Variants in DMWD observed in about 807,000 individuals in gnomAD.
DMWD encodes the protein DM1 locus, WD repeat containing.
A neutral mutation model predicts 45.8 loss-of-function variants in DMWD; 19 were observed. The observed-to-expected ratio is 0.41, with a 90% CI of 0.29 to 0.61. The LOEUF is 0.61. Ranked by LOEUF, DMWD falls within the 20% of genes least tolerant of loss-of-function variation. The pLI, the probability that DMWD is intolerant of heterozygous loss-of-function variation, is 0.25. For missense variants in DMWD, 802 were observed against 965.2 expected (o/e 0.83, Z 2.24); for synonymous variants, 515 against 440.5 (o/e 1.17, Z -2.12).
In DMWD at chr19:45,792,785, C is replaced by A; in HGVS notation, c.-29G>T. On this transcript the variant is annotated 5_prime_UTR_variant, in exon 1 of 5. Transcript: ENST00000270223. ...GGGCGCCCCCCGGGCCCCGCCACTG[C>A]CGGACTGCCGCCCGCAGCCGGGCCC... 2 of 1,107,246 alleles carry A rather than the reference C, an allele frequency of 1.8e-6. No homozygotes were observed. 68.6% of individuals were successfully genotyped at this position (1,107,246 alleles called of 1,614,324 possible). A position where few individuals can be genotyped will look rare whatever the true frequency, so the allele number is the denominator to read the frequency against.
Position 45,783,554 on chromosome 19 carries a change from T to C in DMWD, c.*689A>G, listed in dbSNP as rs1019313190. ...CCGCTGGTGTGGGTCACCAGTTGTG[T>C]GACTCGCAGGTCCGTTCCCTCCCTG... On this transcript the variant is annotated 3_prime_UTR_variant, in exon 5 of 5. Coordinates refer to ENST00000270223, the MANE Select transcript of DMWD (RefSeq NM_004943.2). 1.5e-5 allele frequency: 6 copies of C among 398,372 alleles called. No individual in the cohort carries two copies. The highest frequency in any genetic ancestry group is 1.0e-4 in the African/African-American group (5 of 48,542). 24.7% of individuals were successfully genotyped at this position (398,372 alleles called of 1,614,324 possible). A position where few individuals can be genotyped will look rare whatever the true frequency, so the allele number is the denominator to read the frequency against.
Position 45,784,255 on chromosome 19 carries a change from G to A in DMWD, c.2013C>T (p.Gly671=), listed in dbSNP as rs372041451. 8 of 1,532,682 alleles carry A rather than the reference G, an allele frequency of 5.2e-6. No homozygotes were observed. Among genetic ancestry groups the A allele is most frequent in the African/African-American group, 1.4e-5 (1 of 72,112 alleles). The allele number at this position is 1,532,682 out of a possible 1,614,324, so 94.9% of individuals were successfully genotyped here. A position where few individuals can be genotyped will look rare whatever the true frequency, so the allele number is the denominator to read the frequency against. The change falls in exon 5 of 5, where the codon GGC becomes GGT. Residue 671 remains glycine (G), a synonymous_variant. Transcript: ENST00000270223. The part of the protein sequence containing the change: ...ISSQPGNSPS[G]TVV Reference sequence around the variant, plus strand: ...GATATCCATGGCTTCACACCACTGTGCCACTCGGGGAGTTGCCTGGTTGGG... The same window carrying A: ...GATATCCATGGCTTCACACCACTGTACCACTCGGGGAGTTGCCTGGTTGGG...
rs1439942042 is a variant in DMWD at position 45,785,712 on chromosome 19, G to A, written c.1784C>T (p.Pro595Leu). The change falls in exon 3 of 5, where the codon CCC (proline) becomes CTC (leucine). Residue 595 changes from proline to leucine, a missense_variant. Physicochemically the swap from Pro to Leu is moderately conservative, Grantham distance 98. This residue lies in a region of DMWD where 303 missense variants were observed against 332.9 expected (regional missense o/e 0.91). Coordinates refer to ENST00000270223, the MANE Select transcript of DMWD (RefSeq NM_004943.2). ...CTGGGCGATCTTCTTGCACACAAGG[G>A]GCTCCAGCAGGGGCACCTCGTGGAT... Reference protein sequence around the residue: ...PRIHEVPLLEPLVCKKIAQER... With the variant: ...PRIHEVPLLELLVCKKIAQER... 1.2e-6 allele frequency: 2 copies of A among 1,605,620 alleles called. No individual in the cohort carries two copies. Among genetic ancestry groups the A allele is most frequent in the Non-Finnish European group, 1.7e-6 (2 of 1,174,976 alleles).
chr19:45,783,783 A>C lies in DMWD; in HGVS notation c.*460T>G. On this transcript the variant is annotated 3_prime_UTR_variant, in exon 5 of 5. Transcript: ENST00000270223. ...AAGAGGTCCTGCGGGACAGGGAGGA[A>C]CCTGAGGGGCTTCCATAATTTAACA... 3 of 460,990 alleles carry C rather than the reference A, an allele frequency of 6.5e-6. No individual in the cohort carries two copies. Among genetic ancestry groups the C allele is most frequent in the Non-Finnish European group, 3.8e-6 (1 of 264,968 alleles). The allele number at this position is 460,990 out of a possible 1,614,324, so 28.6% of individuals were successfully genotyped here. A position where few individuals can be genotyped will look rare whatever the true frequency, so the allele number is the denominator to read the frequency against.
intron 4 of DMWD, 122 bp from the exon 5 acceptor site, chr19:45,784,412 G>C (rs1970238417): frequency 7.9e-7 from 1 of 1,268,612 alleles, no homozygotes; most frequent in Admixed American, 2.7e-5. Flanking sequence ...TTGCCCTTGG[G>C]TCCGCCCTAG....
chr19:45,784,547 G>A (rs1463628370), intron 4 of DMWD, 94 bp downstream of exon 4: 2 of 1,598,496 alleles, frequency 1.3e-6, no homozygotes. Context: ...CATGGGGTAA[G>A]GGTAAGGGTG....
At position 45,786,915 on chromosome 19, in the gene DMWD, CCAGG is replaced by C. The variant is rs776465815; in HGVS notation, c.625-48_625-45del. 1.8e-5 allele frequency: 29 copies of C among 1,578,522 alleles called. No homozygotes were observed. In the East Asian group the frequency reaches 6.5e-4, roughly 36 times the overall value. ...TGGGGTTGGGAGAAGGCAGTAAAAC[CCAGG>C]CAGAACTTCTCCCCGACCCAAAGTC... On this transcript the variant is annotated intron_variant, in intron 2 of 4. Coordinates refer to ENST00000270223, the MANE Select transcript of DMWD (RefSeq NM_004943.2).
At position 45,784,696 on chromosome 19, in the gene DMWD, T is replaced by C. The variant is rs1190122633; in HGVS notation, c.1922A>G (p.Glu641Gly). The C allele has an allele frequency of 3.3e-5, 53 of 1,613,660 alleles. No individual in the cohort carries two copies. The highest frequency in any genetic ancestry group is 4.0e-5 in the Non-Finnish European group (47 of 1,179,776). Residue 641 changes from glutamate (E) to glycine (G), a missense_variant, in exon 4 of 5, where the codon GAG becomes GGG. By Grantham distance (98) the Glu-to-Gly change is moderately conservative. Coordinates refer to ENST00000270223, the MANE Select transcript of DMWD (RefSeq NM_004943.2). ...PGKAFTDEET[E>G]AQTGEGSWPR... is the part of the protein sequence containing the mutation. Reference sequence around the variant, plus strand: ...CCAACTTCCTTCCCCTGTCTGGGCCTCGGTCTCCTCGTCTGTGAACTACGG... The same window carrying C: ...CCAACTTCCTTCCCCTGTCTGGGCCCCGGTCTCCTCGTCTGTGAACTACGG...
chr19:45,791,307 C>T (rs938194216), intron 1 of DMWD, among the ~76,000 whole-genome samples: 3 of 152,042 alleles, frequency 2.0e-5, no homozygotes, highest in African/African-American at 4.8e-5. Context: ...TCCCCCTTGA[C>T]CACAGTGCCT....
chr19:45,785,741 C>G lies in DMWD; in HGVS notation c.1755G>C (p.Pro585=). 1.2e-6 allele frequency: 2 copies of G among 1,607,576 alleles called. No individual in the cohort carries two copies. The highest frequency in any genetic ancestry group is 3.4e-5 in the Admixed American group (2 of 59,682). ...PAKVLGTALC[P]RIHEVPLLEP... ...CCAGCAGGGGCACCTCGTGGATGCG[C>G]GGGCACAGCGCAGTGCCCAGCACCT... Residue 585 remains proline (P), a synonymous_variant, in exon 3 of 5, where the codon CCG becomes CCC. Coordinates refer to ENST00000270223, the MANE Select transcript of DMWD (RefSeq NM_004943.2).
At chr19:45,792,036 A>G (rs574269134) in intron 1 of DMWD, among the ~76,000 whole-genome samples, 1 of 152,138 alleles carries the variant, frequency 6.6e-6, no homozygotes, top group East Asian at 1.9e-4. Context: ...ACCTCATCTC[A>G]GATACCCCAT....
Position 45,784,171 on chromosome 19 carries a change from GT to G in DMWD, c.*71del. The G allele has an allele frequency of 3.0e-6, 4 of 1,345,386 alleles. No individual in the cohort carries two copies. Among genetic ancestry groups the G allele is most frequent in the Non-Finnish European group, 4.2e-6 (4 of 945,452 alleles). 83.3% of individuals were successfully genotyped at this position (1,345,386 alleles called of 1,614,324 possible). A position where few individuals can be genotyped will look rare whatever the true frequency, so the allele number is the denominator to read the frequency against. The stretch of plus-strand genomic sequence containing the variant: ...GTTAGTCTTGTTAATACGTTGATCT[GT>G]GAGGTCAGCAGGGAGGGTTATGGCT... On this transcript the variant is annotated 3_prime_UTR_variant, in exon 5 of 5. Coordinates refer to ENST00000270223, the MANE Select transcript of DMWD (RefSeq NM_004943.2).
chr19:45,788,924 A>C (rs572725817), intron 2 of DMWD, among the ~76,000 whole-genome samples: 1 of 146,606 alleles, frequency 6.8e-6, no homozygotes, highest in East Asian at 2.0e-4. Flanking sequence ...GTGAGACCCT[A>C]TCTCAGGAAA....
Position 45,791,057 on chromosome 19 carries a change from G to C in DMWD, c.472C>G (p.Arg158Gly). ...GTGGGCTGGGTGCCCTTGTAGATCCGCTTGTCAATTGGCTTGTTGAGGTCA... is the reference window on the plus strand; with the variant it reads ...GTGGGCTGGGTGCCCTTGTAGATCCCCTTGTCAATTGGCTTGTTGAGGTCA... ...SIDLNKPIDK[R>G]IYKGTQPTCH... The change falls in exon 2 of 5, where the codon CGG becomes GGG. Residue 158 changes from arginine to glycine, a missense_variant. This residue lies in a region of DMWD where 82 missense variants were observed against 92.9 expected (regional missense o/e 0.88). Transcript: ENST00000270223. 6.2e-7 allele frequency: 1 copy of C among 1,612,442 alleles called. No individual in the cohort carries two copies. The highest frequency in any genetic ancestry group is 8.5e-7 in the Non-Finnish European group (1 of 1,179,066).
Position 45,792,737 on chromosome 19 carries a change from TCCGCGCCGCCCG to T in DMWD, c.8_19del (p.Ala3_Ala6del). 2.6e-6 allele frequency: 3 copies of T among 1,151,460 alleles called. No homozygotes were observed. Among genetic ancestry groups the T allele is most frequent in the South Asian group, 3.6e-5 (1 of 27,888 alleles). The allele number at this position is 1,151,460 out of a possible 1,614,324, so 71.3% of individuals were successfully genotyped here. A position where few individuals can be genotyped will look rare whatever the true frequency, so the allele number is the denominator to read the frequency against. On this transcript the variant is annotated inframe_deletion, in exon 1 of 5. Transcript: ENST00000270223. ...GGCGGCGCCGGGGCCCGAGCCGCCC[TCCGCGCCGCCCG>T]CCGCCATCTTGGGCGCCCCCCGGGC... is the stretch of plus-strand genomic sequence containing the variant.
Position 45,792,375 on chromosome 19 carries a change from A to G in DMWD, c.382T>C (p.Phe128Leu). The G allele has an allele frequency of 6.2e-7, 1 of 1,607,920 alleles. No homozygotes were observed. Residue 128 changes from phenylalanine (F) to leucine (L), a missense_variant, in exon 1 of 5, where the codon TTC (phenylalanine) becomes CTC (leucine). Coordinates refer to ENST00000270223, the MANE Select transcript of DMWD (RefSeq NM_004943.2). ...AAATAGAGCTCACGGCCCAAGTTGAAGCAGACGCGGTCTCCCCCCGAGCCC... is the reference window on the plus strand; with the variant it reads ...AAATAGAGCTCACGGCCCAAGTTGAGGCAGACGCGGTCTCCCCCCGAGCCC... Reference protein sequence around the residue: ...GLGSGGDRVCFNLGRELYFYP... With the variant: ...GLGSGGDRVCLNLGRELYFYP...
chr19:45,792,283 A>C, intron 1 of DMWD, 33 bp downstream of exon 1: 1 of 1,590,910 alleles, frequency 6.3e-7, no homozygotes, highest in Non-Finnish European at 8.6e-7. Flanking sequence ...CCATCCTTTC[A>C]GCACCCAGGG....
chr19:45,792,170 A>G, intron 1 of DMWD, 146 bp downstream of exon 1: 2 of 1,334,584 alleles, frequency 1.5e-6, no homozygotes, highest in Non-Finnish European at 9.7e-7. Context: ...AGAATCCTGT[A>G]CTCCCTCCAA....
At chr19:45,788,103 C>T (rs1970306497) in intron 2 of DMWD, among the ~76,000 whole-genome samples, 1 of 152,000 alleles carries the variant, frequency 6.6e-6, no homozygotes, top group African/African-American at 2.4e-5. Context: ...AAAAAATACA[C>T]CCAGAATCTG....
Sources: allele counts gnomAD v4.1 joint callset (sites outside exome capture counted in the v4.1 genomes callset), GRCh38; gene constraint gnomAD v4.1.1; regional missense constraint gnomAD v4.1.1; transcripts MANE v1.5; gene names NCBI Gene and HGNC (gene_info 2026-07-23, HGNC 2026-07-21).